The following TLE4 variants were observed in gnomAD, a reference collection of about 807,000 sequenced individuals.
TLE4 encodes TLE family member 4, transcriptional corepressor.
Under a neutral mutation model 92.8 loss-of-function variants are expected in TLE4, and 8 were observed. That is an observed-to-expected ratio of 0.09 (90% CI 0.05 to 0.16). TLE4 has a LOEUF of 0.16. TLE4 is among the 10% of genes least tolerant of loss of function. The probability of loss-of-function intolerance (pLI) is 1.00; values close to 1 mark genes in which losing one functional copy is unlikely to be tolerated. For missense variants in TLE4, 675 were observed against 997.6 expected (o/e 0.68, Z 4.36); for synonymous variants, 371 against 374.1 (o/e 0.99, Z 0.10).
At chr9:79,696,192 G>A (rs979658754) in intron 8 of TLE4, among the ~76,000 whole-genome samples, 1 of 152,108 alleles carries the variant, frequency 6.6e-6, no homozygotes, top group African/African-American at 2.4e-5. Context: ...ATTAATATGT[G>A]TATTGACATG....
chr9:79,724,453 C>G (rs927807727), intron 19 of TLE4, among the ~76,000 whole-genome samples: 3 of 152,024 alleles, frequency 2.0e-5, no homozygotes, highest in Non-Finnish European at 4.4e-5. Context: ...GGTGCTCATG[C>G]CATTGGCTTG....
At chr9:79,626,599 CT>C (rs1183126587) in intron 5 of TLE4, among the ~76,000 whole-genome samples, 1 of 152,134 alleles carries the variant, frequency 6.6e-6, no homozygotes, top group Non-Finnish European at 1.5e-5. Context: ...ATGAGTGCCC[CT>C]ATACAGAGAC....
At chr9:79,640,109 C>G (rs1413000597) in intron 6 of TLE4, among the ~76,000 whole-genome samples, 5 of 152,030 alleles carry the variant, frequency 3.3e-5, no homozygotes, top group African/African-American at 9.7e-5. Context: ...TCAGGACACC[C>G]TGGAAATTTG....
intron 4 of TLE4, among the ~76,000 whole-genome samples, chr9:79,604,924 T>C (rs2046459101): frequency 6.6e-6 from 1 of 152,102 alleles, no homozygotes. Context: ...TGGCTAAGTA[T>C]GGAAAAGCTT....
intron 8 of TLE4, among the ~76,000 whole-genome samples, chr9:79,696,889 G>A (rs570909495): frequency 2.6e-5 from 4 of 152,198 alleles, no homozygotes; most frequent in East Asian, 1.9e-4. Flanking sequence ...TGCACCTTCC[G>A]TGAACATCCA....
chr9:79,613,068 G>T (rs113811356), intron 5 of TLE4, among the ~76,000 whole-genome samples: 1 of 152,056 alleles, frequency 6.6e-6, no homozygotes. Flanking sequence ...AGCTTACTCT[G>T]TACTATTGTC....
chr9:79,683,217 T>C (rs2065100076), intron 8 of TLE4, among the ~76,000 whole-genome samples: 1 of 152,230 alleles, frequency 6.6e-6, no homozygotes, highest in Non-Finnish European at 1.5e-5. Context: ...TTAAGATTGA[T>C]TCTTTCCTTC....
At chr9:79,578,149 G>C (rs544417335) in intron 4 of TLE4, among the ~76,000 whole-genome samples, 19 of 152,218 alleles carry the variant, frequency 1.2e-4, no homozygotes, top group Admixed American at 4.6e-4. Flanking sequence ...TAGGCAGACA[G>C]CCTTAGTTCC....
intron 6 of TLE4, among the ~76,000 whole-genome samples, chr9:79,628,877 T>A (rs1290140474): frequency 5.0e-5 from 5 of 100,562 alleles, no homozygotes; most frequent in African/African-American, 1.1e-4. Flanking sequence ...AAGTTAAGTG[T>A]GTGTGTGTGT....
intron 5 of TLE4, among the ~76,000 whole-genome samples, chr9:79,620,897 T>G (rs2050796431): frequency 6.6e-6 from 1 of 151,990 alleles, no homozygotes; most frequent in African/African-American, 2.4e-5. Flanking sequence ...AGAGAGAGAT[T>G]GAGGGGGAGG....
rs2037228851 is a variant in TLE4 at position 79,574,882 on chromosome 9, G to A, written c.153G>A (p.Leu51=). ...CTTATGTCTTGAACAGTCTGAAGCT[G>A]GAATGTGAGAAACTCGCCAGTGAGA... is the stretch of plus-strand genomic sequence containing the variant. ...FLQAQYHSLK[L]ECEKLASEKT... Residue 51 remains leucine (L), a synonymous_variant, in exon 3 of 20, where the codon CTG becomes CTA. Transcript: ENST00000376552. 6.2e-7 allele frequency: 1 copy of A among 1,613,338 alleles called. No individual in the cohort carries two copies. The highest frequency in any genetic ancestry group is 2.2e-5 in the East Asian group (1 of 44,852).
At chr9:79,608,408 G>A (rs1274676754) in intron 4 of TLE4, among the ~76,000 whole-genome samples, 1 of 152,012 alleles carries the variant, frequency 6.6e-6, no homozygotes, top group East Asian at 1.9e-4. Flanking sequence ...TTCTCTAGTG[G>A]TGAAGTGAAG....
intron 19 of TLE4, among the ~76,000 whole-genome samples, 157 bp from the exon 20 acceptor site, chr9:79,724,880 A>AAAAAAAAC (rs1565242153): frequency 1.3e-5 from 2 of 148,688 alleles, no homozygotes; most frequent in Non-Finnish European, 3.0e-5. Flanking sequence ...AAAAAAAAAA[A>AAAAAAAAC]AGCAGCAGTA....
In TLE4 at chr9:79,687,595, C is replaced by T. The variant is rs562908641; in HGVS notation, c.610-17188C>T. ...TATATTTGAATCCAGAATTGTCAAC[C>T]CTAATGAAGCAAGTCCCTTGTCATT... On this transcript the variant is annotated intron_variant, in intron 8 of 19. Transcript: ENST00000376552. Among the ~76,000 whole-genome samples the T allele has an allele frequency of 2.0e-5, 3 of 152,250 alleles. No homozygotes were observed. The South Asian group carries it at 6.2e-4, about 32-fold the overall frequency.
At chr9:79,659,798 T>A (rs2060275297) in intron 8 of TLE4, among the ~76,000 whole-genome samples, 1 of 152,298 alleles carries the variant, frequency 6.6e-6, no homozygotes, top group South Asian at 2.1e-4. Flanking sequence ...ACTTAATATA[T>A]TTTTAAAATC....
intron 6 of TLE4, among the ~76,000 whole-genome samples, chr9:79,635,348 T>C (rs1311799191): frequency 2.6e-5 from 4 of 152,060 alleles, no homozygotes; most frequent in African/African-American, 9.7e-5. Context: ...ATTTTCTGGA[T>C]TTTTTTGTGT....
chr9:79,709,007 A>G (rs2072517279), intron 13 of TLE4, among the ~76,000 whole-genome samples: 1 of 151,768 alleles, frequency 6.6e-6, no homozygotes, highest in South Asian at 2.1e-4. Flanking sequence ...AATTTTTAAA[A>G]TTTTCTGTAG....
At chr9:79,588,300 A>G (rs1027344932) in intron 4 of TLE4, among the ~76,000 whole-genome samples, 53 of 151,874 alleles carry the variant, frequency 3.5e-4, no homozygotes, top group African/African-American at 1.2e-3. Context: ...GGCCCACACC[A>G]CCACTCGCAG....
intron 8 of TLE4, among the ~76,000 whole-genome samples, chr9:79,686,370 G>A (rs2135418391): frequency 6.6e-6 from 1 of 152,218 alleles, no homozygotes; most frequent in African/African-American, 2.4e-5. Context: ...CTGTAATGTT[G>A]GTTTCTCTTC....
Sources: gnomAD v4.1 joint callset for allele counts (sites outside exome capture counted in the v4.1 genomes callset) on GRCh38, gnomAD v4.1.1 for gene constraint, MANE v1.5 for transcripts, NCBI Gene and HGNC (gene_info 2026-07-23, HGNC 2026-07-21) for gene names.